ADAM12: variants seen among roughly 807,000 people sequenced by gnomAD.
ADAM12 encodes ADAM metallopeptidase domain 12, also known as disintegrin and metalloproteinase domain-containing protein 12.
A neutral mutation model predicts 106.4 loss-of-function variants in ADAM12; 70 were observed. That is an observed-to-expected ratio of 0.66 (90% confidence interval 0.54 to 0.80). The LOEUF (loss-of-function observed/expected upper bound fraction) is 0.80. Among genes scored for constraint, ADAM12 ranks in the 30% least tolerant of loss-of-function variants. The pLI, the probability that ADAM12 is intolerant of heterozygous loss-of-function variation, is 0.00. For missense variants in ADAM12, 1,010 were observed against 1,171.9 expected (o/e 0.86, Z 2.02); for synonymous variants, 420 against 433.5 (o/e 0.97, Z 0.39).
intron 1 of ADAM12, among the ~76,000 whole-genome samples, chr10:126,367,677 T>A (rs958930018): frequency 6.6e-6 from 1 of 151,960 alleles, no homozygotes; most frequent in Non-Finnish European, 1.5e-5. Flanking sequence ...AAAATCATAA[T>A]TTACCAATTT....
At chr10:126,047,962 A>G (rs961907525) in intron 16 of ADAM12, among the ~76,000 whole-genome samples, 1 of 152,244 alleles carries the variant, frequency 6.6e-6, no homozygotes, top group Non-Finnish European at 1.5e-5. Context: ...CTATGCAGCC[A>G]TAAAAAAGAA....
intron 3 of ADAM12, among the ~76,000 whole-genome samples, chr10:126,161,953 CT>C (rs1246373113): frequency 6.6e-6 from 1 of 152,214 alleles, no homozygotes; most frequent in African/African-American, 2.4e-5. Flanking sequence ...TAACAAGGCA[CT>C]CTGCTTCTCT....
chr10:126,297,017 A>G (rs942270802), intron 2 of ADAM12, among the ~76,000 whole-genome samples: 3 of 152,210 alleles, frequency 2.0e-5, no homozygotes, highest in African/African-American at 7.2e-5. Flanking sequence ...ATGTCAAGAA[A>G]TGGGCACTTC....
At chr10:126,127,057 T>C (rs73378695) in intron 5 of ADAM12, among the ~76,000 whole-genome samples, 5,527 of 152,296 alleles carry the variant, frequency 0.036, 326 homozygotes, top group African/African-American at 0.12. Flanking sequence ...CCCTGTGGCA[T>C]GCACGTCAAA....
chr10:126,183,280 A>T (rs567578000), intron 3 of ADAM12, among the ~76,000 whole-genome samples: 91 of 152,348 alleles, frequency 6.0e-4, no homozygotes, highest in African/African-American at 2.1e-3. Context: ...AGTGCATAAT[A>T]AATGTAATAA....
At chr10:126,211,452 C>T (rs531588297) in intron 3 of ADAM12, among the ~76,000 whole-genome samples, 11 of 152,180 alleles carry the variant, frequency 7.2e-5, no homozygotes, top group Non-Finnish European at 8.8e-5. Flanking sequence ...AACTTAAGAA[C>T]CATGGGATCC....
At chr10:126,117,392 A>C (rs1344088174) in intron 6 of ADAM12, among the ~76,000 whole-genome samples, 1 of 152,198 alleles carries the variant, frequency 6.6e-6, no homozygotes, top group Non-Finnish European at 1.5e-5. Context: ...CAGCAGATCC[A>C]GGGGCTGGTG....
At chr10:126,354,404 T>C (rs1378189798) in intron 1 of ADAM12, among the ~76,000 whole-genome samples, 2 of 152,010 alleles carry the variant, frequency 1.3e-5, no homozygotes, top group Non-Finnish European at 2.9e-5. Context: ...AGTAGGGGGA[T>C]GAGAGGATTC....
At chr10:126,295,173 C>CA (rs1045210087) in intron 2 of ADAM12, among the ~76,000 whole-genome samples, 28 of 152,106 alleles carry the variant, frequency 1.8e-4, no homozygotes, top group African/African-American at 6.5e-4. Flanking sequence ...CCTCTCCCCC[C>CA]AAAAAATAGA....
intron 3 of ADAM12, among the ~76,000 whole-genome samples, chr10:126,174,199 C>A (rs1210439105): frequency 2.6e-5 from 4 of 151,718 alleles, no homozygotes; most frequent in African/African-American, 7.3e-5. Context: ...CCCTTCCCCC[C>A]ACTGCCCACC....
intron 9 of ADAM12, among the ~76,000 whole-genome samples, chr10:126,100,273 A>G (rs1234985105): frequency 6.6e-6 from 1 of 152,148 alleles, no homozygotes; most frequent in Non-Finnish European, 1.5e-5. Flanking sequence ...GATCTAGAAA[A>G]CCAAAGAGTC....
Position 126,103,649 on chromosome 10 carries a change from T to C in ADAM12, c.742-2408A>G, listed in dbSNP as rs1955709762. ...TAACACTGCCATCTTCTGTGAGCACTAAGACTCCCTTCCAAGACGGCCCAC... is the reference window on the plus strand; with the variant it reads ...TAACACTGCCATCTTCTGTGAGCACCAAGACTCCCTTCCAAGACGGCCCAC... On this transcript the variant is annotated intron_variant, in intron 8 of 22. Coordinates refer to ENST00000448723, the MANE Select transcript of ADAM12 (RefSeq NM_001288973.2). 2.0e-5 allele frequency among the ~76,000 whole-genome samples: 3 copies of C among 152,172 alleles called. No homozygotes were observed. In the South Asian group the frequency reaches 6.2e-4, roughly 32 times the overall value.
chr10:126,199,192 C>T (rs925531371), intron 3 of ADAM12, among the ~76,000 whole-genome samples: 9 of 152,280 alleles, frequency 5.9e-5, no homozygotes, highest in African/African-American at 1.9e-4. Flanking sequence ...TCGTTTGGGG[C>T]AATTATCTAG....
rs889935590 is a variant in ADAM12, at chr10:126,249,660, C to T, written c.260+29255G>A. Among the ~76,000 whole-genome samples, 6 of 152,152 alleles carry T rather than the reference C, an allele frequency of 3.9e-5. No individual in the cohort carries two copies. The South Asian group carries it at 8.3e-4, about 21-fold the overall frequency. On this transcript the variant is annotated intron_variant, in intron 3 of 22. Coordinates refer to ENST00000448723, the MANE Select transcript of ADAM12 (RefSeq NM_001288973.2). ...CGGAGCTTGCAGTGAGCCGAGATCA[C>T]GCCACTGCACTCCAGTCTGCCAGAC...
chr10:126,349,445 T>C (rs1372738335), intron 1 of ADAM12, among the ~76,000 whole-genome samples: 4 of 152,224 alleles, frequency 2.6e-5, no homozygotes, highest in African/African-American at 9.6e-5. Flanking sequence ...AATAATATCC[T>C]GGCTCAACAA....
rs1188369965 is a variant in ADAM12 at position 126,043,058 on chromosome 10, C to T, written c.2086G>A (p.Gly696Ser). The T allele has an allele frequency of 8.1e-6, 13 of 1,614,054 alleles. No individual in the cohort carries two copies. Among genetic ancestry groups the T allele is most frequent in the African/African-American group, 1.3e-5 (1 of 74,940 alleles). Reference sequence around the variant, plus strand: ...CACTGACCTGCTTGCCGGATGGGGCCGCTGTCTGTGCTTCCTCCAAAGCCA... The same window carrying T: ...CACTGACCTGCTTGCCGGATGGGGCTGCTGTCTGTGCTTCCTCCAAAGCCA... ...KFGFGGSTDS[G>S]PIRQADNQGL... The change falls in exon 18 of 23, where the codon GGC (glycine) becomes AGC (serine). Residue 696 changes from glycine to serine, a missense_variant. Gly to Ser is a moderately conservative substitution (Grantham distance 56). Transcript: ENST00000448723. The surrounding 1 kb of genome is among the most constrained non-coding windows in gnomAD (Gnocchi z 4.1).
At chr10:126,326,214 T>G (rs1854297131) in intron 2 of ADAM12, among the ~76,000 whole-genome samples, 1 of 152,170 alleles carries the variant, frequency 6.6e-6, no homozygotes, top group Non-Finnish European at 1.5e-5. Context: ...ATTTTTTTTT[T>G]TTTTAAGAAA....
At chr10:126,119,790 G>A (rs1356253424) in intron 5 of ADAM12, among the ~76,000 whole-genome samples, 3 of 152,202 alleles carry the variant, frequency 2.0e-5, no homozygotes, top group Non-Finnish European at 2.9e-5. Flanking sequence ...CCACTGCCTG[G>A]AAATGAGTAA....
chr10:126,119,026 C>T (rs1351026835), intron 5 of ADAM12, among the ~76,000 whole-genome samples: 6 of 152,134 alleles, frequency 3.9e-5, no homozygotes, highest in Non-Finnish European at 7.4e-5. Flanking sequence ...GAATTATAAG[C>T]ACCATGAGTA....
Sources: gnomAD v4.1 joint callset for allele counts (sites outside exome capture counted in the v4.1 genomes callset) on GRCh38, gnomAD v4.1.1 for gene constraint, Gnocchi (gnomAD v3.1) non-coding constraint, MANE v1.5 for transcripts, NCBI Gene and HGNC (gene_info 2026-07-23, HGNC 2026-07-21) for gene names.